Variants in CDH8 observed in about 807,000 individuals in gnomAD.
CDH8 encodes the protein cadherin-8.
CDH8 carries 17 observed loss-of-function variants against 68.1 expected under a neutral mutation model. That is an observed-to-expected ratio of 0.25 (90% CI 0.17 to 0.37). CDH8 has a LOEUF of 0.37. Among genes scored for constraint, CDH8 ranks in the 10% least tolerant of loss-of-function variants. CDH8 has a pLI of 1.00. For synonymous variants in CDH8, 372 were observed against 365.1 expected, an observed-to-expected ratio of 1.02 and a Z score of -0.21; for missense variants, 763 against 999.3, an observed-to-expected ratio of 0.76 and a Z score of 3.19.
chr16:61,823,581 C>T (rs891156146), intron 5 of CDH8, among the ~76,000 whole-genome samples: 1 of 151,846 alleles, frequency 6.6e-6, no homozygotes, highest in African/African-American at 2.4e-5. Context: ...CTTTAACTGG[C>T]TGCAAAGCAG....
chr16:61,763,090 G>A (rs1960508162), intron 8 of CDH8, among the ~76,000 whole-genome samples: 1 of 152,120 alleles, frequency 6.6e-6, no homozygotes, highest in East Asian at 1.9e-4. Context: ...AGGCCACCCA[G>A]GATTTCAGCT....
intron 10 of CDH8, among the ~76,000 whole-genome samples, chr16:61,695,031 A>G (rs539991412): frequency 1.3e-5 from 2 of 151,928 alleles, no homozygotes; most frequent in South Asian, 4.1e-4. Context: ...CCCCCGCCTC[A>G]GCCCCTCAAA....
At chr16:61,686,655 T>C (rs561175703) in intron 10 of CDH8, among the ~76,000 whole-genome samples, 1 of 152,032 alleles carries the variant, frequency 6.6e-6, no homozygotes, top group Non-Finnish European at 1.5e-5. Context: ...GTATTAAAGA[T>C]GTTGCAGTGA....
At chr16:61,963,128 C>A (rs1965188311) in intron 2 of CDH8, among the ~76,000 whole-genome samples, 1 of 152,156 alleles carries the variant, frequency 6.6e-6, no homozygotes, top group African/African-American at 2.4e-5. Flanking sequence ...CATATTGTAT[C>A]TTCCATTCAC....
intron 10 of CDH8, among the ~76,000 whole-genome samples, chr16:61,710,420 G>T (rs1964610177): frequency 6.6e-6 from 1 of 152,018 alleles, no homozygotes; most frequent in Non-Finnish European, 1.5e-5. Context: ...CAAAGTAATG[G>T]TTAGCATCTA....
chr16:62,009,891 C>G (rs999955781), intron 2 of CDH8, among the ~76,000 whole-genome samples: 1 of 152,180 alleles, frequency 6.6e-6, no homozygotes, highest in Non-Finnish European at 1.5e-5. Context: ...TACTCCTTCT[C>G]CATCATTTTT....
chr16:61,691,463 C>T (rs1050545886), intron 10 of CDH8, among the ~76,000 whole-genome samples: 1 of 151,828 alleles, frequency 6.6e-6, no homozygotes. Flanking sequence ...GTCTCAATCT[C>T]CTAAAATTCT....
At chr16:61,808,214 A>G (rs1961842543) in intron 7 of CDH8, among the ~76,000 whole-genome samples, 1 of 152,218 alleles carries the variant, frequency 6.6e-6, no homozygotes, top group Admixed American at 6.5e-5. Context: ...TGGTAGAGAA[A>G]TGCTACTGTA....
intron 3 of CDH8, among the ~76,000 whole-genome samples, chr16:61,867,018 T>C (rs1217443039): frequency 1.3e-5 from 2 of 152,068 alleles, no homozygotes; most frequent in Non-Finnish European, 2.9e-5. Flanking sequence ...GTAGCTGGGG[T>C]TACCCTCCCT....
At chr16:61,956,140 G>T (rs1597088505) in intron 2 of CDH8, among the ~76,000 whole-genome samples, 2 of 152,064 alleles carry the variant, frequency 1.3e-5, no homozygotes, top group Non-Finnish European at 2.9e-5. Flanking sequence ...ATAAGACAAA[G>T]AGTATCAACC....
chr16:61,797,437 T>C (rs988136712), intron 7 of CDH8, among the ~76,000 whole-genome samples: 24 of 152,086 alleles, frequency 1.6e-4, no homozygotes, highest in African/African-American at 2.4e-5. Context: ...AAAAAAGTTA[T>C]TCTGAACTGC....
At chr16:61,966,755 G>C (rs1965259479) in intron 2 of CDH8, among the ~76,000 whole-genome samples, 1 of 152,070 alleles carries the variant, frequency 6.6e-6, no homozygotes, top group South Asian at 2.1e-4. Flanking sequence ...AATAAACAAT[G>C]AGCAATTTTT....
intron 4 of CDH8, among the ~76,000 whole-genome samples, chr16:61,849,564 T>G (rs1032365170): frequency 2.0e-5 from 3 of 152,076 alleles, no homozygotes; most frequent in African/African-American, 4.8e-5. Flanking sequence ...TTGGAGGGGG[T>G]GTGTGATTTT....
intron 3 of CDH8, among the ~76,000 whole-genome samples, chr16:61,866,470 C>T (rs898199184): frequency 2.6e-5 from 4 of 151,788 alleles, no homozygotes; most frequent in African/African-American, 7.3e-5. Flanking sequence ...TGTATTTTCT[C>T]GAAGGCAGCA....
At chr16:61,700,368 C>A (rs1467230027) in intron 10 of CDH8, among the ~76,000 whole-genome samples, 5 of 151,582 alleles carry the variant, frequency 3.3e-5, no homozygotes, top group African/African-American at 1.2e-4. Context: ...GCAACTTCTG[C>A]CTCCTGGGTT....
At chr16:61,699,911 T>G (rs1332599808) in intron 10 of CDH8, among the ~76,000 whole-genome samples, 1 of 152,210 alleles carries the variant, frequency 6.6e-6, no homozygotes, top group Non-Finnish European at 1.5e-5. Flanking sequence ...GTTCTTGTTC[T>G]TGTTCTCTGC....
At chr16:61,788,578 G>C (rs1383557626) in intron 8 of CDH8, among the ~76,000 whole-genome samples, 2 of 151,892 alleles carry the variant, frequency 1.3e-5, no homozygotes, top group Non-Finnish European at 2.9e-5. Flanking sequence ...TATAATAAAA[G>C]TTGATAAAGT....
At chr16:62,030,019 C>T (rs1434125177) in intron 1 of CDH8, among the ~76,000 whole-genome samples, 1 of 152,126 alleles carries the variant, frequency 6.6e-6, no homozygotes, top group Non-Finnish European at 1.5e-5. Flanking sequence ...TATAAGTCAT[C>T]CAGATTCTGC....
intron 2 of CDH8, among the ~76,000 whole-genome samples, chr16:62,008,880 G>A (rs1242076674): frequency 6.6e-6 from 1 of 152,030 alleles, no homozygotes; most frequent in Non-Finnish European, 1.5e-5. Context: ...AGTCAAGGAT[G>A]CAATCAGAGG....
Sources: gnomAD v4.1 joint callset for allele counts (sites outside exome capture counted in the v4.1 genomes callset) on GRCh38, gnomAD v4.1.1 for gene constraint, MANE v1.5 for transcripts, NCBI Gene and HGNC (gene_info 2026-07-23, HGNC 2026-07-21) for gene names.